Variants in SCARB1 observed in about 807,000 individuals in gnomAD.
The protein encoded by SCARB1 is scavenger receptor class B member 1, also known as CD36 and LIMPII analogous 1.
In SCARB1, 30 loss-of-function variants were observed where a neutral mutation model predicts 57.2. The ratio of observed to expected loss-of-function variants is 0.52; its 90% CI spans 0.39 to 0.71. The LOEUF is 0.71. Ranked by LOEUF, SCARB1 falls within the 30% of genes least tolerant of loss-of-function variation. SCARB1 has a pLI of 0.00. For synonymous variants in SCARB1, 249 were observed against 268.3 expected (o/e 0.93, Z 0.70); for missense variants, 543 against 671.2 (o/e 0.81, Z 2.11).
Position 124,786,024 on chromosome 12 carries a change from G to A in SCARB1, c.1401+333C>T, listed in dbSNP as rs555982840. ...CTCCTCTACTGCTGTACGTCCCCTCGCCCCTAACAGAACCTGGCATCCCCG... is the reference window on the plus strand; with the variant it reads ...CTCCTCTACTGCTGTACGTCCCCTCACCCCTAACAGAACCTGGCATCCCCG... On this transcript the variant is annotated intron_variant, in intron 11 of 12. Coordinates refer to ENST00000261693, the MANE Select transcript of SCARB1 (RefSeq NM_005505.5). The A allele has an allele frequency of 2.7e-4, 401 of 1,482,228 alleles. 1 individual carries two copies. In the African/African-American group the frequency reaches 4.3e-3, roughly 16 times the overall value. 91.8% of individuals were successfully genotyped at this position (1,482,228 alleles called of 1,614,324 possible). A position where few individuals can be genotyped will look rare whatever the true frequency, so the allele number is the denominator to read the frequency against.
chr12:124,817,660 C>T lies in SCARB1; in HGVS notation c.174G>A (p.Glu58=). 1.2e-6 allele frequency: 2 copies of T among 1,614,176 alleles called. No homozygotes were observed. Among genetic ancestry groups the T allele is most frequent in the Non-Finnish European group, 1.7e-6 (2 of 1,179,982 alleles). Residue 58 remains glutamate, a synonymous_variant, in exon 2 of 13, where the codon GAG becomes GAA. Coordinates refer to ENST00000261693, the MANE Select transcript of SCARB1 (RefSeq NM_005505.5). The surrounding 1 kb of genome is among the most constrained non-coding windows in gnomAD (Gnocchi z 4.8). ...CGGAGAGATAGAAGGGGATAGGGAT[C>T]TCCTTCCACATGTTGAAGGACAGGC... ...PSSLSFNMWK[E]IPIPFYLSVY...
chr12:124,787,465 TAAGC>T lies in SCARB1; in HGVS notation c.1203-12_1203-9del, dbSNP rs1566136956. On this transcript the variant is annotated splice_polypyrimidine_tract_variant and intron_variant, in intron 9 of 12. Transcript: ENST00000261693. ...TCAATCTTCCCAGTTTGTCTGGAAA[TAAGC>T]AAGACATAGCTGTGTGAAACAAAGT... The T allele has an allele frequency of 1.2e-6, 2 of 1,612,860 alleles. No individual in the cohort carries two copies. The highest frequency in any genetic ancestry group is 1.7e-5 in the Admixed American group (1 of 59,914).
At chr12:124,792,171 C>T (rs979141982) in intron 9 of SCARB1, among the ~76,000 whole-genome samples, 1 of 152,140 alleles carries the variant, frequency 6.6e-6, no homozygotes, top group South Asian at 2.1e-4. Flanking sequence ...TAACATGCAA[C>T]CCCACTGCCT....
At chr12:124,849,571 G>C (rs915566020) in intron 1 of SCARB1, among the ~76,000 whole-genome samples, 5 of 152,210 alleles carry the variant, frequency 3.3e-5, no homozygotes, top group African/African-American at 1.2e-4. Context: ...TGCTGCCCGG[G>C]CCCTCCTGGC....
intron 1 of SCARB1, among the ~76,000 whole-genome samples, chr12:124,835,849 A>T (rs1478263857): frequency 6.6e-6 from 1 of 152,220 alleles, no homozygotes; most frequent in African/African-American, 2.4e-5. Context: ...CCTGCATGCC[A>T]CGTGGCCCAG....
At chr12:124,857,473 G>A (rs1311236645) in intron 1 of SCARB1, among the ~76,000 whole-genome samples, 1 of 152,172 alleles carries the variant, frequency 6.6e-6, no homozygotes, top group Admixed American at 6.5e-5. Flanking sequence ...GGCTCACTGT[G>A]TGGCTCTGGC....
At chr12:124,805,930 GGA>G (rs1216556800) in intron 7 of SCARB1, among the ~76,000 whole-genome samples, 1 of 151,978 alleles carries the variant, frequency 6.6e-6, no homozygotes, top group Non-Finnish European at 1.5e-5. Context: ...CTATGATGAT[GGA>G]AATGTTCTCT....
Position 124,800,465 on chromosome 12 carries a change from C to G in SCARB1, c.1010-223G>C, listed in dbSNP as rs935604393. 1.3e-5 allele frequency among the ~76,000 whole-genome samples: 2 copies of G among 152,194 alleles called. No individual in the cohort carries two copies. Among genetic ancestry groups the G allele is most frequent in the Non-Finnish European group, 2.9e-5 (2 of 68,044 alleles). On this transcript the variant is annotated intron_variant, in intron 7 of 12. Transcript: ENST00000261693. The surrounding 1 kb of genome is among the most constrained non-coding windows in gnomAD (Gnocchi z 4.8). ...AGGGGTGAGGCAGGAGCCGCTGATT[C>G]TGACAGGAGAGACCAAAAGAAGGAA...
chr12:124,800,039 GCT>G lies in SCARB1; in HGVS notation c.1128+83_1128+84del, dbSNP rs1406598876. ...CTTCCCACCACCCCAGCCCACAGCA[GCT>G]CTCTGCCTGGGGAGAGAGGAGGCAG... On this transcript the variant is annotated intron_variant, in intron 8 of 12. Transcript: ENST00000261693. This position sits in a 1 kb window ranked among gnomAD's most constrained non-coding sequence, Gnocchi z 4.8. 9.7e-7 allele frequency: 1 copy of G among 1,033,406 alleles called. No homozygotes were observed. 64.0% of individuals were successfully genotyped at this position (1,033,406 alleles called of 1,614,324 possible).
intron 11 of SCARB1, 123 bp downstream of exon 11, chr12:124,786,234 C>A (rs900060937): frequency 6.3e-7 from 1 of 1,598,870 alleles, no homozygotes; most frequent in South Asian, 1.1e-5. Flanking sequence ...GGCAGAGACG[C>A]AGGACTGCTG....
At position 124,797,309 on chromosome 12, in the gene SCARB1, G is replaced by A. The variant is rs567126081; in HGVS notation, c.1129-2041C>T. ...TAGCTGTGATACCACCATAAGCAGCGTCCTGTTGAGTCCCCCGTCCCCATG... is the reference window on the plus strand; with the variant it reads ...TAGCTGTGATACCACCATAAGCAGCATCCTGTTGAGTCCCCCGTCCCCATG... On this transcript the variant is annotated intron_variant, in intron 8 of 12. Coordinates refer to ENST00000261693, the MANE Select transcript of SCARB1 (RefSeq NM_005505.5). Among the ~76,000 whole-genome samples, 266 of 152,186 alleles carry A rather than the reference G, an allele frequency of 1.7e-3. 1 individual carries two copies. The highest frequency in any genetic ancestry group is 6.2e-3 in the African/African-American group (258 of 41,506).
chr12:124,782,657 G>A (rs1279517640), intron 12 of SCARB1, 26 bp downstream of exon 12: 1 of 1,611,674 alleles, frequency 6.2e-7, no homozygotes, highest in Non-Finnish European at 8.5e-7. Context: ...GGGGCGGGGA[G>A]GCGCACGGCA....
At chr12:124,837,578 GA>G (rs1254475364) in intron 1 of SCARB1, among the ~76,000 whole-genome samples, 1,465 of 40,596 alleles carry the variant, frequency 0.036, 99 homozygotes, top group East Asian at 0.14. Context: ...GAAAAGAAAA[GA>G]AAAGAAAAGA....
intron 1 of SCARB1, among the ~76,000 whole-genome samples, chr12:124,834,900 C>T (rs1406652244): frequency 2.6e-5 from 4 of 152,074 alleles, no homozygotes; most frequent in African/African-American, 9.7e-5. Context: ...AGAGCAAGAC[C>T]CTGTCCACCC....
intron 1 of SCARB1, among the ~76,000 whole-genome samples, chr12:124,855,661 G>A (rs1359695966): frequency 6.6e-6 from 1 of 152,122 alleles, no homozygotes; most frequent in African/African-American, 2.4e-5. Flanking sequence ...CTGTGGTGTC[G>A]GAGCTGCCAG....
At chr12:124,839,367 G>A (rs563915832) in intron 1 of SCARB1, 2 of 438,346 alleles carry the variant, frequency 4.6e-6, no homozygotes, top group Admixed American at 2.4e-5. Flanking sequence ...CGTGCATGTC[G>A]CAGCGTGCGT....
intron 6 of SCARB1, among the ~76,000 whole-genome samples, chr12:124,809,737 G>A (rs184648669): frequency 3.2e-4 from 48 of 152,246 alleles, no homozygotes; most frequent in Middle Eastern, 3.4e-3. Flanking sequence ...AGGGCTGTAG[G>A]AGCCACCCAC....
At chr12:124,849,888 C>A (rs1259695159) in intron 1 of SCARB1, among the ~76,000 whole-genome samples, 1 of 127,506 alleles carries the variant, frequency 7.8e-6, no homozygotes, top group East Asian at 2.1e-4. Context: ...CATAGCAAGA[C>A]CCCTGTCTCT....
chr12:124,787,337 C>T, intron 10 of SCARB1, 69 bp downstream of exon 10: 1 of 1,451,144 alleles, frequency 6.9e-7, no homozygotes, highest in South Asian at 1.2e-5. Flanking sequence ...GCTCCCCCCG[C>T]CTCCTGCCTC....
Sources: gnomAD v4.1 joint callset for allele counts (sites outside exome capture counted in the v4.1 genomes callset) on GRCh38, gnomAD v4.1.1 for gene constraint, Gnocchi (gnomAD v3.1) non-coding constraint, MANE v1.5 for transcripts, NCBI Gene and HGNC (gene_info 2026-07-23, HGNC 2026-07-21) for gene names.